The following RHOBTB3 variants were observed in gnomAD, a reference collection of about 807,000 sequenced individuals.
The protein encoded by RHOBTB3 is Rho related BTB domain containing 3.
In RHOBTB3, 47 loss-of-function variants were observed where a neutral mutation model predicts 67.2. That is an observed-to-expected ratio of 0.70 (90% CI 0.55 to 0.89). The LOEUF (loss-of-function observed/expected upper bound fraction) is 0.89, where lower values mean the gene tolerates loss of function less well. Among genes scored for constraint, RHOBTB3 ranks in the 40% least tolerant of loss-of-function variants. The pLI is 0.00. For missense variants in RHOBTB3, 631 were observed against 750.0 expected (o/e 0.84, Z 1.85); for synonymous variants, 273 against 274.2 (o/e 1.00, Z 0.04).
At chr5:95,778,496 G>A (rs1745957049) in intron 8 of RHOBTB3, among the ~76,000 whole-genome samples, 1 of 149,612 alleles carries the variant, frequency 6.7e-6, no homozygotes, top group Non-Finnish European at 1.5e-5. Flanking sequence ...TGAGTGTTTT[G>A]TTGCTGGGTT....
intron 5 of RHOBTB3, among the ~76,000 whole-genome samples, chr5:95,752,941 C>G (rs558701141): frequency 6.6e-6 from 1 of 152,196 alleles, no homozygotes; most frequent in East Asian, 1.9e-4. Flanking sequence ...ACCATCCTGG[C>G]TAACACGGTG....
intron 11 of RHOBTB3, among the ~76,000 whole-genome samples, chr5:95,790,847 C>T (rs982923560): frequency 6.6e-6 from 1 of 152,088 alleles, no homozygotes; most frequent in East Asian, 1.9e-4. Context: ...TTATTGGGAC[C>T]CCACAGTTAA....
intron 10 of RHOBTB3, among the ~76,000 whole-genome samples, chr5:95,786,615 T>C (rs1746230553): frequency 6.6e-6 from 1 of 152,228 alleles, no homozygotes; most frequent in Non-Finnish European, 1.5e-5. Context: ...TTAAAAATTT[T>C]AATGCATCTT....
At chr5:95,767,551 T>C (rs1483769077) in intron 7 of RHOBTB3, among the ~76,000 whole-genome samples, 1 of 152,194 alleles carries the variant, frequency 6.6e-6, no homozygotes, top group Non-Finnish European at 1.5e-5. Flanking sequence ...TTGGCCAGGC[T>C]GGTCTCAAAC....
chr5:95,724,419 T>C (rs1311922145), intron 1 of RHOBTB3, among the ~76,000 whole-genome samples: 2 of 152,232 alleles, frequency 1.3e-5, no homozygotes, highest in African/African-American at 2.4e-5. Flanking sequence ...ATTTGGAAAA[T>C]GTTTGGGGAG....
intron 3 of RHOBTB3, among the ~76,000 whole-genome samples, chr5:95,742,143 A>G (rs150649376): frequency 4.9e-3 from 740 of 152,312 alleles, no homozygotes; most frequent in African/African-American, 0.017. Context: ...AATGATATTT[A>G]GAAACCAAGG....
At chr5:95,719,666 T>G (rs761692715) in intron 1 of RHOBTB3, 2 of 152,220 alleles carry the variant, frequency 1.3e-5, no homozygotes, top group African/African-American at 2.4e-5. Flanking sequence ...TTATAAGATT[T>G]CTTTGAACCA....
chr5:95,730,865 G>C (rs1410726121), upstream of RHOBTB3: 3 of 455,548 alleles, frequency 6.6e-6, no homozygotes, highest in African/African-American at 4.0e-5. Flanking sequence ...CAGCTGTAGC[G>C]CATGTTGACA....
Position 95,795,243 on chromosome 5 carries a change from C to A in RHOBTB3, c.*2069C>A, listed in dbSNP as rs1302416673. The A allele has an allele frequency of 1.3e-5, 2 of 151,938 alleles. No homozygotes were observed. The highest frequency in any genetic ancestry group is 4.8e-5 in the African/African-American group (2 of 41,334). 9.4% of individuals were successfully genotyped at this position (151,938 alleles called of 1,614,324 possible). On this transcript the variant is annotated 3_prime_UTR_variant, in exon 12 of 12. Coordinates refer to ENST00000379982, the MANE Select transcript of RHOBTB3 (RefSeq NM_014899.4). ...GATTTTATGTCTTTTGTATTTTAAT[C>A]ACTTGAGTTAATCAACCACTGGCAA... is the stretch of plus-strand genomic sequence containing the variant.
At chr5:95,721,647 T>C (rs1413452220) in intron 1 of RHOBTB3, among the ~76,000 whole-genome samples, 1 of 146,112 alleles carries the variant, frequency 6.8e-6, no homozygotes, top group Non-Finnish European at 1.5e-5. Context: ...ATATTTTAAA[T>C]ATTTAAGGAG....
chr5:95,754,293 C>G (rs78221599), intron 5 of RHOBTB3, among the ~76,000 whole-genome samples: 2,954 of 152,174 alleles, frequency 0.019, 81 homozygotes, highest in African/African-American at 0.064. Context: ...CAGAATAATA[C>G]AGTCTGGGTA....
chr5:95,783,999 T>A (rs754329663), intron 10 of RHOBTB3, 36 bp downstream of exon 10: 3 of 1,478,778 alleles, frequency 2.0e-6, no homozygotes, highest in Admixed American at 2.1e-5. Flanking sequence ...CCTAGTTTTT[T>A]ATAAAATATT....
At chr5:95,775,427 T>C (rs192867025) in intron 8 of RHOBTB3, among the ~76,000 whole-genome samples, 2 of 147,076 alleles carry the variant, frequency 1.4e-5, no homozygotes, top group South Asian at 4.3e-4. Flanking sequence ...TATATACACA[T>C]ATATATACTA....
chr5:95,763,524 A>G lies in RHOBTB3; in HGVS notation c.1065A>G (p.Glu355=), dbSNP rs755862795. 2 of 1,610,268 alleles carry G rather than the reference A, an allele frequency of 1.2e-6. No homozygotes were observed. The highest frequency in any genetic ancestry group is 1.1e-5 in the South Asian group (1 of 90,696). ...TGTTTACAGGTGCTTTTCAGTGGGA[A>G]GAATTGGAAGAAGATATCAGGAAGA... ...RFIYSGAFQW[E]ELEEDIRKKL... Residue 355 remains glutamate (E), a synonymous_variant, in exon 7 of 12, where the codon GAA becomes GAG. Coordinates refer to ENST00000379982, the MANE Select transcript of RHOBTB3 (RefSeq NM_014899.4).
At position 95,722,225 on chromosome 5, in the gene RHOBTB3, G is replaced by A. The variant is rs1754906017; in HGVS notation, n.133+4460G>A. ...CAAGCAAAGGGAGTGCAGGAGATGGGGAAGGCTTTTAGTACAGTTAAAACA... is the reference window on the plus strand; with the variant it reads ...CAAGCAAAGGGAGTGCAGGAGATGGAGAAGGCTTTTAGTACAGTTAAAACA... On this transcript the variant is annotated intron_variant and non_coding_transcript_variant, in intron 1 of 5. Coordinates refer to the RHOBTB3 transcript ENST00000504949. Among the ~76,000 whole-genome samples, 3 of 152,072 alleles carry A rather than the reference G, an allele frequency of 2.0e-5. No individual in the cohort carries two copies. The South Asian group carries it at 6.2e-4, about 32-fold the overall frequency.
chr5:95,783,698 A>T, intron 9 of RHOBTB3, 99 bp from the exon 10 acceptor site: 1 of 985,962 alleles, frequency 1.0e-6, no homozygotes. Flanking sequence ...TACGGTCAGC[A>T]TGTTTTTTTA....
At chr5:95,754,585 C>A (rs975576710) in intron 5 of RHOBTB3, among the ~76,000 whole-genome samples, 1 of 152,136 alleles carries the variant, frequency 6.6e-6, no homozygotes, top group Non-Finnish European at 1.5e-5. Flanking sequence ...TTCCTCAGCT[C>A]CTCTGGATAA....
intron 1 of RHOBTB3, among the ~76,000 whole-genome samples, chr5:95,725,724 T>G (rs1755034536): frequency 6.6e-6 from 1 of 152,226 alleles, no homozygotes; most frequent in Admixed American, 6.5e-5. Context: ...CTCCAACTTC[T>G]TTGTTAGAAT....
intron 10 of RHOBTB3, among the ~76,000 whole-genome samples, chr5:95,788,423 A>C (rs934789880): frequency 6.6e-6 from 1 of 152,226 alleles, no homozygotes; most frequent in Non-Finnish European, 1.5e-5. Context: ...ATACAGGTGC[A>C]GTTATTGAAG....
Sources: allele counts gnomAD v4.1 joint callset (sites outside exome capture counted in the v4.1 genomes callset), GRCh38; gene constraint gnomAD v4.1.1; transcripts MANE v1.5; gene names NCBI Gene and HGNC (gene_info 2026-07-23, HGNC 2026-07-21).